The following MFHAS1 variants were observed in gnomAD, a reference collection of about 807,000 sequenced individuals.
MFHAS1 encodes the protein multifunctional ROCO family signaling regulator 1, also known as malignant fibrous histiocytoma-amplified sequence 1.
Under a neutral mutation model 70.4 loss-of-function variants are expected in MFHAS1, and 50 were observed. That is an observed-to-expected ratio of 0.71 (90% CI 0.57 to 0.90). The LOEUF (loss-of-function observed/expected upper bound fraction) is 0.90. Among genes scored for constraint, MFHAS1 ranks in the 40% least tolerant of loss-of-function variants. The pLI, the probability that MFHAS1 is intolerant of heterozygous loss-of-function variation, is 0.00. For missense variants in MFHAS1, 1,795 were observed against 1,347.6 expected, an observed-to-expected ratio of 1.33 and a Z score of -5.20; for synonymous variants, 952 against 620.0, an observed-to-expected ratio of 1.54 and a Z score of -7.96.
chr8:8,861,520 G>C (rs1437994064), intron 1 of MFHAS1, among the ~76,000 whole-genome samples: 1 of 152,140 alleles, frequency 6.6e-6, no homozygotes, highest in Non-Finnish European at 1.5e-5. Context: ...AAAACAGCAT[G>C]TTTCAGGACA....
chr8:8,836,565 G>T (rs907679340), intron 1 of MFHAS1, among the ~76,000 whole-genome samples: 4 of 151,986 alleles, frequency 2.6e-5, no homozygotes, highest in Non-Finnish European at 5.9e-5. Context: ...TTCTGTGGAG[G>T]CAGGGTCTTC....
chr8:8,831,862 T>G (rs948405101), intron 1 of MFHAS1, among the ~76,000 whole-genome samples: 1 of 152,186 alleles, frequency 6.6e-6, no homozygotes, highest in South Asian at 2.1e-4. Context: ...TCTGCCTGCC[T>G]CAGCCTCCCA....
chr8:8,811,690 C>T (rs1806554108), intron 1 of MFHAS1, among the ~76,000 whole-genome samples: 1 of 152,238 alleles, frequency 6.6e-6, no homozygotes, highest in African/African-American at 2.4e-5. Context: ...TTTCCTTACT[C>T]ACTGTGGGAT....
chr8:8,887,859 CAAAAA>C (rs11300082), intron 1 of MFHAS1, among the ~76,000 whole-genome samples: 1 of 95,462 alleles, frequency 1.0e-5, no homozygotes, highest in Non-Finnish European at 2.3e-5. Flanking sequence ...GCAAAAAAAA[CAAAAA>C]AAAAAAAAAA....
At position 8,892,816 on chromosome 8, in the gene MFHAS1, C is replaced by G. The variant is rs1406541196; in HGVS notation, c.243G>C (p.Gly81=). 1.3e-6 allele frequency: 2 copies of G among 1,591,640 alleles called. No homozygotes were observed. The highest frequency in any genetic ancestry group is 8.5e-7 in the Non-Finnish European group (1 of 1,169,616). Residue 81 remains glycine (G), a synonymous_variant, in exon 1 of 3, where the codon GGG becomes GGC. Transcript: ENST00000276282. The surrounding 1 kb of genome is among the most constrained non-coding windows in gnomAD (Gnocchi z 4.7). ...GNNGLEEVPE[G]LGSALGSLRV... is the part of the protein sequence containing the mutation. ...GCAGGCTGCCCAGCGCCGACCCCAG[C>G]CCCTCGGGTACCTCCTCCAGGCCGT...
chr8:8,866,907 T>C (rs1808880188), intron 1 of MFHAS1, among the ~76,000 whole-genome samples: 1 of 152,206 alleles, frequency 6.6e-6, no homozygotes, highest in Non-Finnish European at 1.5e-5. Context: ...TAATTAGCCT[T>C]CTTTAGAGAA....
At chr8:8,854,772 G>A (rs1274534670) in intron 1 of MFHAS1, among the ~76,000 whole-genome samples, 4 of 151,968 alleles carry the variant, frequency 2.6e-5, no homozygotes, top group Non-Finnish European at 5.9e-5. Flanking sequence ...AAAATTATTC[G>A]TTGCTTACGT....
chr8:8,790,945 G>C (rs1805699204), intron 2 of MFHAS1, among the ~76,000 whole-genome samples: 1 of 152,178 alleles, frequency 6.6e-6, no homozygotes, highest in Non-Finnish European at 1.5e-5. Context: ...CAGCTAGCAA[G>C]TAACTGGAAT....
At chr8:8,790,837 G>C (rs1052994385) in intron 2 of MFHAS1, among the ~76,000 whole-genome samples, 14 of 152,150 alleles carry the variant, frequency 9.2e-5, no homozygotes, top group African/African-American at 3.1e-4. Context: ...TTTATGAAAG[G>C]CTACTGCAAC....
At chr8:8,851,046 A>G (rs188135757) in intron 1 of MFHAS1, among the ~76,000 whole-genome samples, 10 of 152,246 alleles carry the variant, frequency 6.6e-5, no homozygotes, top group Middle Eastern at 3.4e-3. Flanking sequence ...TTATCACCCA[A>G]AAGTCTTACA....
chr8:8,820,927 G>A (rs1806929367), intron 1 of MFHAS1, among the ~76,000 whole-genome samples: 1 of 152,222 alleles, frequency 6.6e-6, no homozygotes, highest in Non-Finnish European at 1.5e-5. Flanking sequence ...AGAAAAAATA[G>A]CAGCAGTGAG....
intron 2 of MFHAS1, among the ~76,000 whole-genome samples, chr8:8,795,010 G>A (rs1805843940): frequency 6.6e-6 from 1 of 152,174 alleles, no homozygotes; most frequent in Non-Finnish European, 1.5e-5. Flanking sequence ...GGTTTCTAGC[G>A]CAAATGGATA....
chr8:8,887,959 T>C (rs1196929879), intron 1 of MFHAS1, among the ~76,000 whole-genome samples: 3 of 152,182 alleles, frequency 2.0e-5, no homozygotes, highest in African/African-American at 7.2e-5. Flanking sequence ...CTTTTGTTGT[T>C]AATAACATTC....
At position 8,891,069 on chromosome 8, in the gene MFHAS1, G is replaced by C; in HGVS notation, c.1990C>G (p.Gln664Glu). The C allele has an allele frequency of 6.2e-7, 1 of 1,613,660 alleles. No homozygotes were observed. The highest frequency in any genetic ancestry group is 8.5e-7 in the Non-Finnish European group (1 of 1,179,896). The change falls in exon 1 of 3, where the codon CAG becomes GAG. Residue 664 changes from glutamine (Q) to glutamate (E), a missense_variant. Transcript: ENST00000276282. This position sits in a 1 kb window ranked among gnomAD's most constrained non-coding sequence, Gnocchi z 5.4. ...TGGAAATGCAGTTCCTCCAGCACCT[G>C]CCAGGATCGAGGCAGTACTCTGTGT... ...NLHRVLPRSW[Q>E]VLEELHFQPP...
intron 1 of MFHAS1, among the ~76,000 whole-genome samples, chr8:8,822,772 T>G (rs1181242036): frequency 9.5e-5 from 8 of 84,482 alleles, no homozygotes; most frequent in East Asian, 3.6e-4. Flanking sequence ...ACTGAGATGG[T>G]GACAGGGAAC....
chr8:8,806,856 G>A (rs1336629929), intron 1 of MFHAS1, among the ~76,000 whole-genome samples: 1 of 152,048 alleles, frequency 6.6e-6, no homozygotes, highest in Non-Finnish European at 1.5e-5. Context: ...AGCAACTTGG[G>A]AGGCTGAGGC....
intron 1 of MFHAS1, among the ~76,000 whole-genome samples, chr8:8,867,597 T>A (rs191681671): frequency 6.6e-6 from 1 of 151,684 alleles, no homozygotes; most frequent in East Asian, 1.9e-4. Flanking sequence ...TCTCGCTGTC[T>A]CCTAGGCTGG....
At chr8:8,880,190 C>G (rs746398816) in intron 1 of MFHAS1, among the ~76,000 whole-genome samples, 1 of 152,100 alleles carries the variant, frequency 6.6e-6, no homozygotes, top group Non-Finnish European at 1.5e-5. Flanking sequence ...AGGCCTAGCC[C>G]CAAAACCCCT....
chr8:8,821,548 T>A (rs1806957039), intron 1 of MFHAS1, among the ~76,000 whole-genome samples: 1 of 152,240 alleles, frequency 6.6e-6, no homozygotes, highest in Non-Finnish European at 1.5e-5. Flanking sequence ...CACTTTGATT[T>A]ATGCCAGAAC....
Sources: gnomAD v4.1 joint callset for allele counts (sites outside exome capture counted in the v4.1 genomes callset) on GRCh38, gnomAD v4.1.1 for gene constraint, Gnocchi (gnomAD v3.1) non-coding constraint, MANE v1.5 for transcripts, NCBI Gene and HGNC (gene_info 2026-07-23, HGNC 2026-07-21) for gene names.